The following TMTC1 variants were observed in gnomAD, a reference collection of about 807,000 sequenced individuals.
The protein encoded by TMTC1 is protein O-mannosyl-transferase TMTC1.
A neutral mutation model predicts 104.8 loss-of-function variants in TMTC1; 73 were observed. The ratio of observed to expected loss-of-function variants is 0.70; its 90% CI spans 0.58 to 0.85. TMTC1 has a LOEUF of 0.85. Ranked by LOEUF, TMTC1 falls within the 40% of genes least tolerant of loss-of-function variation. The pLI is 0.00. For synonymous variants in TMTC1, 434 were observed against 428.7 expected (o/e 1.01, Z -0.15); for missense variants, 1,035 against 1,096.1 (o/e 0.94, Z 0.79).
At chr12:29,710,093 T>C (rs935299882) in intron 5 of TMTC1, among the ~76,000 whole-genome samples, 2 of 152,058 alleles carry the variant, frequency 1.3e-5, no homozygotes, top group Non-Finnish European at 2.9e-5. Flanking sequence ...TATCTGTCTC[T>C]AGTCAAACAA....
chr12:29,768,096 G>A lies in TMTC1; in HGVS notation c.303-21C>T, dbSNP rs1565824441. The A allele has an allele frequency of 8.5e-6, 13 of 1,522,540 alleles. No individual in the cohort carries two copies. The Admixed American group carries it at 1.3e-4, about 15-fold the overall frequency. The allele number at this position is 1,522,540 out of a possible 1,614,324, so 94.3% of individuals were successfully genotyped here. A position where few individuals can be genotyped will look rare whatever the true frequency, so the allele number is the denominator to read the frequency against. On this transcript the variant is annotated intron_variant, in intron 1 of 17. Coordinates refer to ENST00000539277, the MANE Select transcript of TMTC1 (RefSeq NM_001193451.2). ...TTAGCCTGTAAAACAAAAGAAAAAAGAAAAAAACTGCATTAGCTACAAACT... is the reference window on the plus strand; with the variant it reads ...TTAGCCTGTAAAACAAAAGAAAAAAAAAAAAAACTGCATTAGCTACAAACT...
rs1565678249 is a variant in TMTC1, at chr12:29,570,844, TCAAAA to T, written c.1532+1256_1532+1260del. Among the ~76,000 whole-genome samples, 29 of 132,498 alleles carry T rather than the reference TCAAAA, an allele frequency of 2.2e-4. 2 individuals are homozygous for T. The East Asian group carries it at 5.2e-3, about 24-fold the overall frequency. The allele number at this position is 132,498 out of a possible 152,430, so 86.9% of individuals were successfully genotyped here. On this transcript the variant is annotated intron_variant, in intron 9 of 17. Transcript: ENST00000539277. ...GGGTGACAGAGCGAGAGACTCCGTC[TCAAAA>T]CAAAACAAAACAAAACAAAAAAAAC...
At chr12:29,646,559 C>G (rs190585819) in intron 5 of TMTC1, among the ~76,000 whole-genome samples, 1 of 152,216 alleles carries the variant, frequency 6.6e-6, no homozygotes, top group African/African-American at 2.4e-5. Flanking sequence ...CATCCCTAGT[C>G]CCCAGGTAAA....
At chr12:29,609,669 A>G (rs1946792852) in intron 6 of TMTC1, among the ~76,000 whole-genome samples, 1 of 152,248 alleles carries the variant, frequency 6.6e-6, no homozygotes, top group Non-Finnish European at 1.5e-5. Context: ...TCAACGTTCT[A>G]ACTCAGAAGC....
chr12:29,599,906 G>GTA (rs1470666922), intron 7 of TMTC1, among the ~76,000 whole-genome samples: 2 of 144,128 alleles, frequency 1.4e-5, no homozygotes, highest in African/African-American at 2.8e-5. Context: ...ATATACATGT[G>GTA]TATATATATG....
At chr12:29,714,064 T>C (rs770036121) in intron 5 of TMTC1, among the ~76,000 whole-genome samples, 10 of 152,190 alleles carry the variant, frequency 6.6e-5, no homozygotes, top group Middle Eastern at 3.2e-3. Context: ...CAGGCCCTAA[T>C]CTACCAGCAC....
chr12:29,633,253 C>A lies in TMTC1; in HGVS notation c.1022G>T (p.Gly341Val). The part of the protein sequence containing the change: ...PVTLCYDWQV[G>V]SIPLVETIWD... Reference sequence around the variant, plus strand: ...TATGGTCTCTACCAGAGGAATACTGCCGACCTGCCAGTCATAGCACAGGGT... The same window carrying A: ...TATGGTCTCTACCAGAGGAATACTGACGACCTGCCAGTCATAGCACAGGGT... The change falls in exon 6 of 18, where the codon GGC (glycine) becomes GTC (valine). Residue 341 changes from glycine to valine, a missense_variant. Gly to Val is a moderately radical substitution (Grantham distance 109). Transcript: ENST00000539277. The A allele has an allele frequency of 1.2e-6, 2 of 1,613,926 alleles. No individual in the cohort carries two copies. Among genetic ancestry groups the A allele is most frequent in the Non-Finnish European group, 1.7e-6 (2 of 1,179,964 alleles).
intron 10 of TMTC1, among the ~76,000 whole-genome samples, chr12:29,537,890 C>G (rs1041865806): frequency 9.2e-5 from 14 of 152,118 alleles, no homozygotes; most frequent in Non-Finnish European, 1.8e-4. Context: ...TATCATAGAC[C>G]TTGGGGAAAA....
intron 2 of TMTC1, among the ~76,000 whole-genome samples, chr12:29,765,174 T>A (rs193223505): frequency 6.6e-6 from 1 of 152,312 alleles, no homozygotes; most frequent in African/African-American, 2.4e-5. Flanking sequence ...AAAAAGAACA[T>A]TAAAAACTTA....
intron 5 of TMTC1, among the ~76,000 whole-genome samples, chr12:29,678,542 G>A (rs776458725): frequency 3.9e-5 from 6 of 152,132 alleles, no homozygotes; most frequent in Admixed American, 6.6e-5. Context: ...GTGGGTTTCC[G>A]AATCATAGTG....
chr12:29,671,590 G>A (rs952480520), intron 5 of TMTC1, among the ~76,000 whole-genome samples: 4 of 152,190 alleles, frequency 2.6e-5, no homozygotes, highest in African/African-American at 9.7e-5. Context: ...CAAAGCAGGT[G>A]CTATTGCTAT....
At chr12:29,639,714 A>C (rs1426520669) in intron 5 of TMTC1, among the ~76,000 whole-genome samples, 1 of 152,198 alleles carries the variant, frequency 6.6e-6, no homozygotes, top group African/African-American at 2.4e-5. Context: ...ATAGCGCCAA[A>C]CTGGAGACAA....
chr12:29,751,380 A>C (rs1233657549), intron 5 of TMTC1, among the ~76,000 whole-genome samples: 1 of 152,118 alleles, frequency 6.6e-6, no homozygotes, highest in Admixed American at 6.5e-5. Context: ...CAGGAAACGT[A>C]GGGCGCCCAT....
In TMTC1 at chr12:29,690,921, C is replaced by A. The variant is rs538321092; in HGVS notation, c.939-57585G>T. 3.3e-5 allele frequency among the ~76,000 whole-genome samples: 5 copies of A among 152,336 alleles called. No individual in the cohort carries two copies. In the South Asian group the frequency reaches 6.2e-4, roughly 19 times the overall value. On this transcript the variant is annotated intron_variant, in intron 5 of 17. Transcript: ENST00000539277. ...AGTAAAAGAGATCAGACATAACCAA[C>A]TCCATCTTGCTTCTAACTTTTAAGC...
chr12:29,622,404 A>G (rs1937720298), intron 6 of TMTC1, among the ~76,000 whole-genome samples: 1 of 152,230 alleles, frequency 6.6e-6, no homozygotes, highest in Non-Finnish European at 1.5e-5. Flanking sequence ...ACTGACTAAT[A>G]GTATTAACTG....
At chr12:29,737,981 C>G (rs994527563) in intron 5 of TMTC1, among the ~76,000 whole-genome samples, 3 of 152,202 alleles carry the variant, frequency 2.0e-5, no homozygotes, top group Non-Finnish European at 2.9e-5. Flanking sequence ...ATTTACTGAA[C>G]AGGCAACTTA....
chr12:29,604,594 T>C (rs745632269), intron 6 of TMTC1, among the ~76,000 whole-genome samples: 21 of 152,308 alleles, frequency 1.4e-4, no homozygotes, highest in Non-Finnish European at 2.6e-4. Context: ...ACAGCAACCC[T>C]GCTTCTTGGT....
At chr12:29,549,537 C>T (rs1217555246) in intron 10 of TMTC1, among the ~76,000 whole-genome samples, 1 of 151,884 alleles carries the variant, frequency 6.6e-6, no homozygotes, top group African/African-American at 2.4e-5. Context: ...GTTAGTTATG[C>T]CTCAATTTAA....
At chr12:29,610,947 A>G (rs1003911214) in intron 6 of TMTC1, among the ~76,000 whole-genome samples, 1 of 152,144 alleles carries the variant, frequency 6.6e-6, no homozygotes, top group Non-Finnish European at 1.5e-5. Context: ...CAGGGAGTAA[A>G]TTTTTAAAAG....
Sources: gnomAD v4.1 joint callset for allele counts (sites outside exome capture counted in the v4.1 genomes callset) on GRCh38, gnomAD v4.1.1 for gene constraint, MANE v1.5 for transcripts, NCBI Gene and HGNC (gene_info 2026-07-23, HGNC 2026-07-21) for gene names.